Variants in DIS3L2 observed in about 807,000 individuals in gnomAD.
The protein encoded by DIS3L2 is DIS3 like 3'-5' exoribonuclease 2.
Under a neutral mutation model 97.5 loss-of-function variants are expected in DIS3L2, and 34 were observed. The observed-to-expected ratio is 0.35, with a 90% CI of 0.27 to 0.46. DIS3L2 has a LOEUF of 0.46. DIS3L2 is among the 20% of genes least tolerant of loss of function. The pLI, the probability that DIS3L2 is intolerant of heterozygous loss-of-function variation, is 1.00. For synonymous variants in DIS3L2, 435 were observed against 445.2 expected (o/e 0.98, Z 0.29); for missense variants, 1,038 against 1,146.0 (o/e 0.91, Z 1.36).
intron 10 of DIS3L2, among the ~76,000 whole-genome samples, chr2:232,224,863 A>G (rs1423715943): frequency 6.6e-6 from 1 of 151,792 alleles, no homozygotes; most frequent in Non-Finnish European, 1.5e-5. Context: ...AAGAAAAAAA[A>G]TTGTTGAAAA....
intron 7 of DIS3L2, among the ~76,000 whole-genome samples, chr2:232,134,497 A>G (rs944770319): frequency 2.0e-5 from 3 of 152,120 alleles, no homozygotes; most frequent in Non-Finnish European, 1.5e-5. Context: ...AAGGCATTTG[A>G]CAGCTTGGGT....
intron 5 of DIS3L2, among the ~76,000 whole-genome samples, chr2:232,063,377 G>A (rs527704008): frequency 5.5e-4 from 84 of 152,280 alleles, no homozygotes; most frequent in East Asian, 1.9e-4. Context: ...AAGAAACTGT[G>A]TATGTGTGCA....
chr2:232,259,288 G>A (rs1054052378), intron 12 of DIS3L2, among the ~76,000 whole-genome samples: 2 of 151,986 alleles, frequency 1.3e-5, no homozygotes, highest in African/African-American at 4.8e-5. Flanking sequence ...ACAAAGTAGA[G>A]GTGCCCATTA....
intron 14 of DIS3L2, among the ~76,000 whole-genome samples, chr2:232,321,906 G>A (rs531573021): frequency 6.6e-6 from 1 of 152,304 alleles, no homozygotes; most frequent in African/African-American, 2.4e-5. Flanking sequence ...CCTGTGACCA[G>A]CCTCAGGGCC....
At chr2:232,086,657 A>ATGTG (rs376073328) in intron 5 of DIS3L2, among the ~76,000 whole-genome samples, 1,211 of 36,674 alleles carry the variant, frequency 0.033, 51 homozygotes, top group African/African-American at 0.064. Context: ...ATATATATAT[A>ATGTG]TATGTGTGTG....
intron 4 of DIS3L2, among the ~76,000 whole-genome samples, chr2:232,026,416 C>T (rs1259909458): frequency 1.3e-5 from 2 of 152,086 alleles, no homozygotes; most frequent in African/African-American, 4.8e-5. Context: ...CTCCCTGTCC[C>T]CTTGTGATTC....
intron 1 of DIS3L2, among the ~76,000 whole-genome samples, chr2:231,992,774 C>T (rs1177046041): frequency 1.3e-5 from 2 of 152,120 alleles, no homozygotes; most frequent in Non-Finnish European, 2.9e-5. Flanking sequence ...TCTCTTTTCC[C>T]TGCTGCCAAG....
intron 3 of DIS3L2, among the ~76,000 whole-genome samples, chr2:232,021,555 G>A (rs974957541): frequency 6.6e-6 from 1 of 152,030 alleles, no homozygotes; most frequent in Non-Finnish European, 1.5e-5. Context: ...AGAGTGACAG[G>A]CTAGGGTTGC....
intron 14 of DIS3L2, among the ~76,000 whole-genome samples, chr2:232,309,772 T>C (rs1243911229): frequency 6.6e-6 from 1 of 152,186 alleles, no homozygotes; most frequent in Admixed American, 6.5e-5. Context: ...GGAGGCGTGC[T>C]CACAGGAAGT....
rs34911392 is a variant in DIS3L2 at position 231,976,765 on chromosome 2, CTTTTTTTTTT to C, written c.-94+15011_-94+15020del. On this transcript the variant is annotated intron_variant, in intron 1 of 20. Transcript: ENST00000325385. ...TTGGCAAAATCATTTAACACGAAGC[CTTTTTTTTTT>C]TTTTTTTTTTGAGACAGAGTCTCGC... 6.5e-3 allele frequency among the ~76,000 whole-genome samples: 807 copies of C among 124,462 alleles called. 5 individuals are homozygous for C. Among genetic ancestry groups the C allele is most frequent in the African/African-American group, 0.022 (706 of 31,434 alleles). The allele number at this position is 124,462 out of a possible 152,430, so 81.7% of individuals were successfully genotyped here.
intron 12 of DIS3L2, among the ~76,000 whole-genome samples, chr2:232,258,175 C>T (rs2633265): frequency 0.42 from 64,215 of 151,922 alleles, 14,541 homozygotes; most frequent in African/African-American, 0.59. Context: ...CCCAGTAATA[C>T]GCCTTCAGTC....
At chr2:231,970,296 A>G (rs1692863515) in intron 1 of DIS3L2, among the ~76,000 whole-genome samples, 1 of 152,154 alleles carries the variant, frequency 6.6e-6, no homozygotes, top group Non-Finnish European at 1.5e-5. Flanking sequence ...TTTCAAATAC[A>G]GCCATTTGTT....
At chr2:232,205,333 G>T (rs2106211917) in intron 9 of DIS3L2, among the ~76,000 whole-genome samples, 1 of 151,332 alleles carries the variant, frequency 6.6e-6, no homozygotes, top group South Asian at 2.1e-4. Flanking sequence ...TCAGCTTATT[G>T]CAACTTCTGC....
chr2:232,268,731 A>G lies in DIS3L2; in HGVS notation c.1659+5291A>G, dbSNP rs774967724. On this transcript the variant is annotated intron_variant, in intron 13 of 20. Coordinates refer to ENST00000325385, the MANE Select transcript of DIS3L2 (RefSeq NM_152383.5). The surrounding 1 kb of genome is among the most constrained non-coding windows in gnomAD (Gnocchi z 4.1). ...CAAAAGCAGGTTTGGCCTGTGGTCCATACTTTGCTGACCTCTGCTTAAACA... is the reference window on the plus strand; with the variant it reads ...CAAAAGCAGGTTTGGCCTGTGGTCCGTACTTTGCTGACCTCTGCTTAAACA... Among the ~76,000 whole-genome samples the G allele has an allele frequency of 1.3e-5, 2 of 152,230 alleles. No homozygotes were observed. The highest frequency in any genetic ancestry group is 2.9e-5 in the Non-Finnish European group (2 of 68,048).
At chr2:232,308,288 C>T (rs572564346) in intron 14 of DIS3L2, among the ~76,000 whole-genome samples, 1 of 152,326 alleles carries the variant, frequency 6.6e-6, no homozygotes, top group South Asian at 2.1e-4. Context: ...CTCCTCTGCC[C>T]TGCTGGCAGT....
intron 8 of DIS3L2, among the ~76,000 whole-genome samples, chr2:232,137,575 T>C (rs1029267216): frequency 6.6e-5 from 10 of 152,230 alleles, no homozygotes; most frequent in African/African-American, 2.4e-4. Flanking sequence ...GGGAATGTCC[T>C]ATGGGTAGGA....
At chr2:232,295,908 T>A (rs1053284285) in intron 13 of DIS3L2, among the ~76,000 whole-genome samples, 2 of 152,246 alleles carry the variant, frequency 1.3e-5, no homozygotes, top group African/African-American at 4.8e-5. Flanking sequence ...GCTTCTATAA[T>A]GTCAGAACTC....
intron 1 of DIS3L2, among the ~76,000 whole-genome samples, chr2:231,995,566 A>C (rs1169162996): frequency 6.6e-6 from 1 of 152,148 alleles, no homozygotes; most frequent in Non-Finnish European, 1.5e-5. Flanking sequence ...TGTATCATCA[A>C]AGCCTTAGAG....
At chr2:231,981,154 G>A (rs1040945307) in intron 1 of DIS3L2, among the ~76,000 whole-genome samples, 1 of 152,116 alleles carries the variant, frequency 6.6e-6, no homozygotes, top group Non-Finnish European at 1.5e-5. Context: ...ATGTTGGGCA[G>A]GCTAGTCTTG....
Sources: allele counts gnomAD v4.1 joint callset (sites outside exome capture counted in the v4.1 genomes callset), GRCh38; gene constraint gnomAD v4.1.1; non-coding constraint Gnocchi (gnomAD v3.1); transcripts MANE v1.5; gene names NCBI Gene and HGNC (gene_info 2026-07-23, HGNC 2026-07-21).